The following CYFIP1 variants were observed in gnomAD, a reference collection of about 807,000 sequenced individuals.
The protein encoded by CYFIP1 is cytoplasmic FMR1-interacting protein 1.
In CYFIP1, 58 loss-of-function variants were observed where a neutral mutation model predicts 163.5. The observed-to-expected ratio is 0.35, with a 90% CI of 0.29 to 0.44. The LOEUF (loss-of-function observed/expected upper bound fraction) is 0.44, where lower values mean the gene tolerates loss of function less well. Ranked by LOEUF, CYFIP1 falls within the 20% of genes least tolerant of loss-of-function variation. CYFIP1 has a pLI of 1.00. For synonymous variants in CYFIP1, 663 were observed against 660.7 expected (o/e 1.00, Z -0.05); for missense variants, 1,338 against 1,653.8 (o/e 0.81, Z 3.31).
chr15:22,944,537 C>A lies in CYFIP1; in HGVS notation c.387+21G>T, dbSNP rs536862966. ...CCCACCCCTCGGTGTTACACCCCCC[C>A]CAGATTATTTGCCATTTTACCTGGA... On this transcript the variant is annotated intron_variant, in intron 5 of 30. Coordinates refer to ENST00000617928, the MANE Select transcript of CYFIP1 (RefSeq NM_014608.6). 214 of 1,557,176 alleles carry A rather than the reference C, an allele frequency of 1.4e-4. 3 individuals are homozygous for A. In the Admixed American group the frequency reaches 3.5e-3, roughly 25 times the overall value.
intron 5 of CYFIP1, among the ~76,000 whole-genome samples, chr15:22,943,743 C>G (rs2061967431): frequency 6.6e-6 from 1 of 152,058 alleles, no homozygotes; most frequent in African/African-American, 2.4e-5. Context: ...AATTCATCTC[C>G]CAGTTAGTTC....
intron 25 of CYFIP1, among the ~76,000 whole-genome samples, chr15:22,881,515 G>T (rs1458913888): frequency 6.7e-6 from 1 of 148,400 alleles, no homozygotes; most frequent in Non-Finnish European, 1.5e-5. Context: ...ATCTCGGTGG[G>T]CCTGTCTCTG....
chr15:22,905,490 A>C (rs1404735021), intron 21 of CYFIP1: 2 of 134,160 alleles, frequency 1.5e-5, no homozygotes, highest in South Asian at 2.5e-4. Flanking sequence ...CCCTCTTTTC[A>C]TTCCTTTTTT....
At chr15:22,939,984 T>C (rs952825121) in intron 6 of CYFIP1, among the ~76,000 whole-genome samples, 1 of 152,194 alleles carries the variant, frequency 6.6e-6, no homozygotes, top group African/African-American at 2.4e-5. Flanking sequence ...CAGGGACCAC[T>C]GGTGTCCAAG....
At chr15:22,923,185 T>G (rs1029228536) in intron 13 of CYFIP1, among the ~76,000 whole-genome samples, 5 of 151,968 alleles carry the variant, frequency 3.3e-5, no homozygotes, top group Non-Finnish European at 5.9e-5. Flanking sequence ...AGGACAATCA[T>G]AGAATGGGAG....
intron 23 of CYFIP1, among the ~76,000 whole-genome samples, chr15:22,888,862 G>GA (rs2059993035): frequency 1.3e-5 from 2 of 151,948 alleles, no homozygotes; most frequent in Non-Finnish European, 2.9e-5. Flanking sequence ...CTAACATGGT[G>GA]AAACCCTGTC....
intron 21 of CYFIP1, among the ~76,000 whole-genome samples, chr15:22,906,567 G>A (rs1336641224): frequency 1.4e-5 from 2 of 147,618 alleles, no homozygotes; most frequent in Non-Finnish European, 3.0e-5. Flanking sequence ...CCGGGTTCAC[G>A]CCATTCTCCT....
intron 30 of CYFIP1, among the ~76,000 whole-genome samples, chr15:22,871,711 T>C (rs879119866): frequency 6.6e-6 from 1 of 152,130 alleles, no homozygotes; most frequent in African/African-American, 2.4e-5. Context: ...GGCAGAAGAC[T>C]AGAGGCTGAG....
rs769629898 is a variant in CYFIP1 at position 22,932,346 on chromosome 15, CAG to C, written c.993-8_993-7del. On this transcript the variant is annotated splice_polypyrimidine_tract_variant and splice_region_variant and intron_variant, in intron 10 of 30. Coordinates refer to ENST00000617928, the MANE Select transcript of CYFIP1 (RefSeq NM_014608.6). ...CGGAGGATGTGCACGTCCATCTGTG[CAG>C]AGAGAAAGCACCCGCGTTACCTGCG... The C allele has an allele frequency of 6.3e-7, 1 of 1,587,700 alleles. No homozygotes were observed. The highest frequency in any genetic ancestry group is 1.8e-5 in the Admixed American group (1 of 55,778).
At chr15:22,975,559 G>A (rs950895772) in intron 1 of CYFIP1, among the ~76,000 whole-genome samples, 3 of 151,734 alleles carry the variant, frequency 2.0e-5, no homozygotes, top group Non-Finnish European at 4.4e-5. Context: ...TCAGGAGGTC[G>A]AGATCAGCCT....
intron 30 of CYFIP1, among the ~76,000 whole-genome samples, chr15:22,870,625 CTT>C (rs2059408353): frequency 1.3e-5 from 2 of 152,194 alleles, no homozygotes; most frequent in African/African-American, 4.8e-5. Context: ...CATACCATCT[CTT>C]TAATGCAACA....
intron 23 of CYFIP1, among the ~76,000 whole-genome samples, chr15:22,890,867 G>A (rs972317336): frequency 5.9e-5 from 9 of 152,000 alleles, no homozygotes; most frequent in Non-Finnish European, 2.9e-5. Context: ...CAACAGCCTC[G>A]AGAACGCGGA....
rs755873540 is a variant in CYFIP1 at position 22,885,888 on chromosome 15, T to G, written c.2677-2877A>C. ...ACTTCCACATTTTCAGGTATCTTTA[T>G]AGCAGTACTCCACTCTACCAGTACC... On this transcript the variant is annotated intron_variant, in intron 23 of 30. Coordinates refer to ENST00000617928, the MANE Select transcript of CYFIP1 (RefSeq NM_014608.6). Among the ~76,000 whole-genome samples the G allele has an allele frequency of 4.2e-4, 64 of 152,192 alleles. 1 individual carries two copies. Among genetic ancestry groups the G allele is most frequent in the Non-Finnish European group, 5.4e-4 (37 of 68,034 alleles).
intron 14 of CYFIP1, among the ~76,000 whole-genome samples, 178 bp from the exon 15 acceptor site, chr15:22,918,113 G>C (rs1403538974): frequency 6.6e-6 from 1 of 152,198 alleles, no homozygotes; most frequent in African/African-American, 2.4e-5. Context: ...AGTTAAAAAG[G>C]AGTCTGCCTT....
At position 22,879,791 on chromosome 15, in the gene CYFIP1, AATG is replaced by A; in HGVS notation, c.3042+119_3042+121del. The A allele has an allele frequency of 4.2e-6, 3 of 707,110 alleles. No homozygotes were observed. In the South Asian group the frequency reaches 5.7e-5, roughly 14 times the overall value. The allele number at this position is 707,110 out of a possible 1,614,324, so 43.8% of individuals were successfully genotyped here. A position where few individuals can be genotyped will look rare whatever the true frequency, so the allele number is the denominator to read the frequency against. ...GTCTCAACAGCCACAAAAAAAAAAA[AATG>A]ATGCACAGCTGTTGCCACACCCCCA... is the stretch of plus-strand genomic sequence containing the variant. On this transcript the variant is annotated intron_variant, in intron 26 of 30. Transcript: ENST00000617928.
intron 3 of CYFIP1, among the ~76,000 whole-genome samples, chr15:22,945,892 T>G (rs534408080): frequency 1.3e-5 from 2 of 152,302 alleles, no homozygotes; most frequent in Non-Finnish European, 2.9e-5. Context: ...CTACAGCATT[T>G]TTTTATTACA....
At chr15:22,870,404 C>A (rs1595476615) in intron 30 of CYFIP1, among the ~76,000 whole-genome samples, 2 of 151,920 alleles carry the variant, frequency 1.3e-5, no homozygotes, top group South Asian at 4.2e-4. Context: ...CTCACTGTAG[C>A]CTCAAGACAT....
At chr15:22,958,594 C>A (rs1394655025) in intron 1 of CYFIP1, among the ~76,000 whole-genome samples, 1 of 152,184 alleles carries the variant, frequency 6.6e-6, no homozygotes, top group Non-Finnish European at 1.5e-5. Flanking sequence ...GCAGCCCCTT[C>A]GGCCAGGGTC....
At chr15:22,944,390 A>G (rs2061990540) in intron 5 of CYFIP1, among the ~76,000 whole-genome samples, 168 bp downstream of exon 5, 1 of 152,206 alleles carries the variant, frequency 6.6e-6, no homozygotes, top group South Asian at 2.1e-4. Context: ...CCGAAAGGGC[A>G]TGAGGAACTT....
Sources: gnomAD v4.1 joint callset for allele counts (sites outside exome capture counted in the v4.1 genomes callset) on GRCh38, gnomAD v4.1.1 for gene constraint, MANE v1.5 for transcripts, NCBI Gene and HGNC (gene_info 2026-07-23, HGNC 2026-07-21) for gene names.